Variants in RANBP17 observed in about 807,000 individuals in gnomAD.
The protein encoded by RANBP17 is ran-binding protein 17.
In RANBP17, 158 loss-of-function variants were observed where a neutral mutation model predicts 141.2. The ratio of observed to expected loss-of-function variants is 1.12; its 90% CI spans 0.98 to 1.28. RANBP17 has a LOEUF of 1.28. RANBP17 is among the 50% of genes most tolerant of loss of function. The probability of loss-of-function intolerance (pLI) is 0.00; values close to 1 mark genes in which losing one functional copy is unlikely to be tolerated. For synonymous variants in RANBP17, 430 were observed against 450.0 expected, an observed-to-expected ratio of 0.96 and a Z score of 0.56; for missense variants, 1,438 against 1,290.7, an observed-to-expected ratio of 1.11 and a Z score of -1.75.
chr5:171,241,084 A>C lies in RANBP17; in HGVS notation c.2579A>C (p.Asp860Ala). ...AAGTTGTATGGGGACAACCATTTTGACAATGTACTCCAGGCTTTTGTCAAA... is the reference window on the plus strand; with the variant it reads ...AAGTTGTATGGGGACAACCATTTTGCCAATGTACTCCAGGCTTTTGTCAAA... ...VFKLYGDNHF[D>A]NVLQAFVKML... The change falls in exon 23 of 28, where the codon GAC becomes GCC. Residue 860 changes from aspartate (D) to alanine (A), a missense_variant. Asp to Ala is a moderately radical substitution (Grantham distance 126, BLOSUM62 -2). Transcript: ENST00000523189. 6.2e-7 allele frequency: 1 copy of C among 1,613,866 alleles called. No individual in the cohort carries two copies. The highest frequency in any genetic ancestry group is 1.1e-5 in the South Asian group (1 of 91,054).
chr5:171,154,949 G>A (rs929343908), intron 14 of RANBP17, among the ~76,000 whole-genome samples: 1 of 151,334 alleles, frequency 6.6e-6, no homozygotes, highest in Non-Finnish European at 1.5e-5. Flanking sequence ...TGGTGGCGGG[G>A]CACCTGTAAT....
intron 14 of RANBP17, among the ~76,000 whole-genome samples, chr5:171,078,203 G>A (rs537473643): frequency 1.3e-5 from 2 of 149,270 alleles, no homozygotes; most frequent in Non-Finnish European, 3.0e-5. Context: ...ACACAATCTG[G>A]TTCACTGCAA....
At chr5:170,929,816 C>A (rs935464377) in intron 12 of RANBP17, among the ~76,000 whole-genome samples, 3 of 152,042 alleles carry the variant, frequency 2.0e-5, no homozygotes, top group African/African-American at 7.2e-5. Context: ...GGATAGAATT[C>A]GTCTGTGAAG....
chr5:170,989,105 TG>T (rs974833548), intron 14 of RANBP17, among the ~76,000 whole-genome samples: 1 of 151,820 alleles, frequency 6.6e-6, no homozygotes, highest in Non-Finnish European at 1.5e-5. Context: ...CCTGTAATGG[TG>T]GTGCTAAAAT....
intron 14 of RANBP17, among the ~76,000 whole-genome samples, chr5:171,041,078 C>T (rs1327744158): frequency 6.6e-6 from 1 of 152,072 alleles, no homozygotes; most frequent in Non-Finnish European, 1.5e-5. Context: ...TCAGTTCTAG[C>T]CTGTTGTTGA....
At chr5:170,971,350 A>G (rs1016259619) in intron 14 of RANBP17, among the ~76,000 whole-genome samples, 19 of 152,250 alleles carry the variant, frequency 1.2e-4, no homozygotes, top group Non-Finnish European at 1.9e-4. Flanking sequence ...AAGGCATTAT[A>G]TAATTTCATT....
intron 21 of RANBP17, among the ~76,000 whole-genome samples, chr5:171,220,421 T>C (rs1249856275): frequency 6.6e-6 from 1 of 150,510 alleles, no homozygotes; most frequent in Non-Finnish European, 1.5e-5. Flanking sequence ...TTGGCCATCT[T>C]GGTCCCTCCC....
At chr5:170,976,432 A>T (rs1777385786) in intron 14 of RANBP17, among the ~76,000 whole-genome samples, 1 of 152,186 alleles carries the variant, frequency 6.6e-6, no homozygotes, top group African/African-American at 2.4e-5. Context: ...TACAGGTTTA[A>T]CACAATCTCT....
rs2127553878 is a variant in RANBP17 at position 170,983,386 on chromosome 5, A to T, written c.1710+15009A>T. The T allele has an allele frequency of 1.3e-5, 3 of 233,354 alleles. No individual in the cohort carries two copies. The Middle Eastern group carries it at 3.9e-3, about 300-fold the overall frequency. 14.5% of individuals were successfully genotyped at this position (233,354 alleles called of 1,614,324 possible). On this transcript the variant is annotated intron_variant, in intron 14 of 27. Coordinates refer to ENST00000523189, the MANE Select transcript of RANBP17 (RefSeq NM_022897.5). ...ACTAGTAATAAATAGAATCACATAA[A>T]ACTTAGGTAAATGAAAAGGAAGTCA...
chr5:170,884,351 G>A (rs563649893), intron 3 of RANBP17, among the ~76,000 whole-genome samples: 1 of 152,194 alleles, frequency 6.6e-6, no homozygotes, highest in South Asian at 2.1e-4. Flanking sequence ...TTGACTAGAA[G>A]CCTTACCAAT....
At chr5:171,270,464 G>T (rs1245427778) in intron 25 of RANBP17, among the ~76,000 whole-genome samples, 7 of 152,086 alleles carry the variant, frequency 4.6e-5, no homozygotes, top group Non-Finnish European at 1.0e-4. Flanking sequence ...AAAAATTTAA[G>T]GAGAGCCCAA....
At chr5:171,167,600 G>T (rs1439537978) in intron 14 of RANBP17, among the ~76,000 whole-genome samples, 1 of 152,080 alleles carries the variant, frequency 6.6e-6, no homozygotes, top group East Asian at 1.9e-4. Context: ...GCTTTGAGTT[G>T]TGGTAAAGCT....
Position 170,902,760 on chromosome 5 carries a change from C to T in RANBP17, c.489+6645C>T, listed in dbSNP as rs180972209. Among the ~76,000 whole-genome samples the T allele has an allele frequency of 1.1e-4, 16 of 152,232 alleles. No individual in the cohort carries two copies. The East Asian group carries it at 1.5e-3, about 15-fold the overall frequency. ...CTATTGCTTTCTGTTTGTTAGTTTT[C>T]CTTCTAACAGTCAGGCCCCTCTGCT... On this transcript the variant is annotated intron_variant, in intron 5 of 27. Coordinates refer to ENST00000523189, the MANE Select transcript of RANBP17 (RefSeq NM_022897.5).
intron 14 of RANBP17, among the ~76,000 whole-genome samples, chr5:171,165,686 C>T (rs1759646338): frequency 6.6e-6 from 1 of 152,060 alleles, no homozygotes; most frequent in African/African-American, 2.4e-5. Context: ...TAGACATTTC[C>T]CCTGCATTCC....
chr5:171,169,507 A>C (rs1459366251), intron 14 of RANBP17, among the ~76,000 whole-genome samples: 1 of 152,132 alleles, frequency 6.6e-6, no homozygotes, highest in Non-Finnish European at 1.5e-5. Context: ...ACACTCCCTA[A>C]TTGGAAGCTT....
chr5:171,039,512 AT>A (rs895142861), intron 14 of RANBP17, among the ~76,000 whole-genome samples: 1 of 151,992 alleles, frequency 6.6e-6, no homozygotes, highest in African/African-American at 2.4e-5. Flanking sequence ...TAGTTTACAA[AT>A]ATTTCCTCCC....
chr5:171,271,751 C>A, intron 25 of RANBP17: 1 of 214,638 alleles, frequency 4.7e-6, no homozygotes, highest in Admixed American at 5.8e-5. Context: ...TAAAGGAAGC[C>A]AGGGATATGT....
At chr5:171,203,566 T>C (rs1362840811) in intron 19 of RANBP17, among the ~76,000 whole-genome samples, 1 of 152,154 alleles carries the variant, frequency 6.6e-6, no homozygotes, top group Non-Finnish European at 1.5e-5. Context: ...GAATGAAACA[T>C]TGATATAATT....
chr5:171,135,992 G>A (rs1320168865), intron 14 of RANBP17, among the ~76,000 whole-genome samples: 1 of 152,162 alleles, frequency 6.6e-6, no homozygotes, highest in African/African-American at 2.4e-5. Context: ...TCAGTCAAAG[G>A]CTGATGTTCT....
Sources: gnomAD v4.1 joint callset for allele counts (sites outside exome capture counted in the v4.1 genomes callset) on GRCh38, gnomAD v4.1.1 for gene constraint, MANE v1.5 for transcripts, NCBI Gene and HGNC (gene_info 2026-07-23, HGNC 2026-07-21) for gene names.